CCDC91: variants seen among roughly 807,000 people sequenced by gnomAD.
CCDC91 encodes coiled-coil domain-containing protein 91.
A neutral mutation model predicts 63.2 loss-of-function variants in CCDC91; 48 were observed. The observed-to-expected ratio is 0.76, with a 90% CI of 0.60 to 0.97. The LOEUF (loss-of-function observed/expected upper bound fraction) is 0.97. CCDC91 is among the 50% of genes least tolerant of loss of function. CCDC91 has a pLI of 0.00. For synonymous variants in CCDC91, 167 were observed against 165.8 expected (o/e 1.01, Z -0.06); for missense variants, 500 against 494.6 (o/e 1.01, Z -0.10).
intron 6 of CCDC91, among the ~76,000 whole-genome samples, chr12:28,338,398 C>G (rs762348686): frequency 7.9e-5 from 12 of 151,612 alleles, no homozygotes; most frequent in Admixed American, 3.3e-4. Flanking sequence ...ATACATGTGC[C>G]ATGTAGGTGT....
chr12:28,405,406 G>T (rs2139593884), intron 8 of CCDC91, among the ~76,000 whole-genome samples: 1 of 152,128 alleles, frequency 6.6e-6, no homozygotes, highest in South Asian at 2.1e-4. Context: ...TTATTTTAAA[G>T]AAACCATTAT....
chr12:28,376,586 G>A (rs1944961793), intron 7 of CCDC91, among the ~76,000 whole-genome samples: 1 of 151,756 alleles, frequency 6.6e-6, no homozygotes. Context: ...GACTATCAAA[G>A]AAAGTCATAC....
chr12:28,377,214 A>T (rs911374749), intron 7 of CCDC91, among the ~76,000 whole-genome samples: 1 of 151,260 alleles, frequency 6.6e-6, no homozygotes, highest in Non-Finnish European at 1.5e-5. Context: ...GGTTTTTAAA[A>T]TTTCATTCTG....
chr12:28,523,671 G>A (rs1208782110), intron 12 of CCDC91, among the ~76,000 whole-genome samples: 6 of 152,048 alleles, frequency 3.9e-5, no homozygotes, highest in South Asian at 4.2e-4. Flanking sequence ...TCCTAGCATC[G>A]ATGGTCTTTA....
chr12:28,434,819 G>A (rs893899543), intron 8 of CCDC91, among the ~76,000 whole-genome samples: 68 of 151,394 alleles, frequency 4.5e-4, no homozygotes, highest in African/African-American at 1.5e-3. Context: ...AATAAGTATA[G>A]GCCTGTCCAT....
At position 28,391,599 on chromosome 12, in the gene CCDC91, T is replaced by C. The variant is rs547331525; in HGVS notation, c.762+188T>C. Among the ~76,000 whole-genome samples the C allele has an allele frequency of 7.2e-5, 11 of 152,322 alleles. No individual in the cohort carries two copies. The East Asian group carries it at 2.1e-3, about 29-fold the overall frequency. ...AAAATAGAACGTAAGACCTGAAATA[T>C]GTGGGTCTCCCCCACATTAATGATT... is the stretch of plus-strand genomic sequence containing the variant. On this transcript the variant is annotated intron_variant, in intron 8 of 12. Coordinates refer to ENST00000536442, the MANE Select transcript of CCDC91 (RefSeq NM_018318.5).
At chr12:28,454,941 A>G (rs1300355169) in intron 11 of CCDC91, among the ~76,000 whole-genome samples, 1 of 152,036 alleles carries the variant, frequency 6.6e-6, no homozygotes, top group Non-Finnish European at 1.5e-5. Flanking sequence ...GTCGTTGTAA[A>G]TTGAGTGTTT....
At position 28,537,705 on chromosome 12, in the gene CCDC91, A is replaced by G. The variant is rs147515005; in HGVS notation, c.1216-11358A>G. ...TTTTCTATTCTTAGCATTGACTTACATCATTAAGGCTACAAAAATGACTGC... is the reference window on the plus strand; with the variant it reads ...TTTTCTATTCTTAGCATTGACTTACGTCATTAAGGCTACAAAAATGACTGC... On this transcript the variant is annotated intron_variant, in intron 12 of 12. Transcript: ENST00000536442. Among the ~76,000 whole-genome samples, 34 of 152,372 alleles carry G rather than the reference A, an allele frequency of 2.2e-4. 1 individual carries two copies. Among genetic ancestry groups the G allele is most frequent in the Admixed American group, 6.5e-5 (1 of 15,294 alleles).
intron 12 of CCDC91, among the ~76,000 whole-genome samples, chr12:28,502,371 A>C (rs1429826142): frequency 2.0e-5 from 3 of 152,010 alleles, no homozygotes; most frequent in East Asian, 1.9e-4. Context: ...AATCCAACTT[A>C]CAAGGGATGT....
At chr12:28,402,636 T>TTTCC (rs1946709219) in intron 8 of CCDC91, among the ~76,000 whole-genome samples, 1 of 151,692 alleles carries the variant, frequency 6.6e-6, no homozygotes, top group Admixed American at 6.6e-5. Flanking sequence ...ATACCTTTTA[T>TTTCC]TTCCTTTTTT....
At chr12:28,428,584 A>C (rs1405405027) in intron 8 of CCDC91, among the ~76,000 whole-genome samples, 3 of 150,776 alleles carry the variant, frequency 2.0e-5, no homozygotes, top group South Asian at 2.1e-4. Context: ...CAAAAAAAAA[A>C]AAAAAAAAAA....
At chr12:28,191,952 T>C (rs543480895) in intron 1 of CCDC91, among the ~76,000 whole-genome samples, 28 of 152,132 alleles carry the variant, frequency 1.8e-4, no homozygotes, top group Non-Finnish European at 2.6e-4. Context: ...ATGAACTGGT[T>C]TCCTAGCAAC....
chr12:28,322,383 A>G (rs979773068), intron 6 of CCDC91, among the ~76,000 whole-genome samples: 2 of 151,852 alleles, frequency 1.3e-5, no homozygotes, highest in African/African-American at 4.8e-5. Context: ...GCTTTGAGAC[A>G]TTACCAATGA....
intron 1 of CCDC91, among the ~76,000 whole-genome samples, chr12:28,231,246 A>T (rs1204178173): frequency 6.6e-6 from 1 of 152,222 alleles, no homozygotes; most frequent in African/African-American, 2.4e-5. Flanking sequence ...CAAACAAAAT[A>T]TTCTAGCATT....
chr12:28,365,180 T>C (rs1343962791), intron 7 of CCDC91, among the ~76,000 whole-genome samples: 1 of 152,220 alleles, frequency 6.6e-6, no homozygotes, highest in Non-Finnish European at 1.5e-5. Flanking sequence ...CATTTCTCTT[T>C]AACTGAGTGC....
chr12:28,446,674 G>C (rs11049610), intron 8 of CCDC91, among the ~76,000 whole-genome samples: 1 of 151,764 alleles, frequency 6.6e-6, no homozygotes. Flanking sequence ...CCTGTTGCCC[G>C]GGCTGGTCTC....
At chr12:28,407,595 C>T (rs911030383) in intron 8 of CCDC91, among the ~76,000 whole-genome samples, 2 of 151,912 alleles carry the variant, frequency 1.3e-5, no homozygotes, top group African/African-American at 2.4e-5. Context: ...TTTCCATTTC[C>T]ATGTAACTTT....
intron 3 of CCDC91, among the ~76,000 whole-genome samples, chr12:28,304,394 AAAAAAAAG>A (rs1938453859): frequency 2.4e-5 from 3 of 122,554 alleles, no homozygotes; most frequent in Non-Finnish European, 3.6e-5. Flanking sequence ...AAAAAAAAAA[AAAAAAAAG>A]AAAAAAAAAA....
intron 1 of CCDC91, among the ~76,000 whole-genome samples, chr12:28,242,600 G>C (rs1021039786): frequency 6.6e-5 from 10 of 152,136 alleles, no homozygotes; most frequent in African/African-American, 2.4e-4. Context: ...GAAAGAGAGG[G>C]AGAGAGCAAG....
Sources: gnomAD v4.1 joint callset for allele counts (sites outside exome capture counted in the v4.1 genomes callset) on GRCh38, gnomAD v4.1.1 for gene constraint, MANE v1.5 for transcripts, NCBI Gene and HGNC (gene_info 2026-07-23, HGNC 2026-07-21) for gene names.